Variants in TRERF1 observed in about 807,000 individuals in gnomAD.
The protein encoded by TRERF1 is transcriptional-regulating factor 1.
A neutral mutation model predicts 122.9 loss-of-function variants in TRERF1; 27 were observed. The ratio of observed to expected loss-of-function variants is 0.22; its 90% CI spans 0.16 to 0.30. The LOEUF (loss-of-function observed/expected upper bound fraction) is 0.30. Among genes scored for constraint, TRERF1 ranks in the 10% least tolerant of loss-of-function variants. TRERF1 has a pLI of 1.00. For synonymous variants in TRERF1, 636 were observed against 641.7 expected, an observed-to-expected ratio of 0.99 and a Z score of 0.13; for missense variants, 1,248 against 1,560.3, an observed-to-expected ratio of 0.80 and a Z score of 3.37.
chr6:42,392,931 TAC>T (rs58784390), intron 2 of TRERF1, among the ~76,000 whole-genome samples: 2,203 of 148,086 alleles, frequency 0.015, 40 homozygotes, highest in East Asian at 0.1. Flanking sequence ...TACACACACA[TAC>T]ACACACACAC....
At position 42,268,225 on chromosome 6, in the gene TRERF1, G is replaced by A; in HGVS notation, c.1366C>T (p.Pro456Ser). The A allele has an allele frequency of 6.7e-7, 1 of 1,492,558 alleles. No homozygotes were observed. Among genetic ancestry groups the A allele is most frequent in the South Asian group, 1.4e-5 (1 of 69,290 alleles). The allele number at this position is 1,492,558 out of a possible 1,614,324, so 92.5% of individuals were successfully genotyped here. A position where few individuals can be genotyped will look rare whatever the true frequency, so the allele number is the denominator to read the frequency against. The change falls in exon 5 of 18, where the codon CCC becomes TCC. Residue 456 changes from proline (P) to serine (S), a missense_variant. By Grantham distance (74) the Pro-to-Ser change is moderately conservative (BLOSUM62 -1). Coordinates refer to ENST00000372922, the Ensembl canonical transcript of TRERF1. This position sits in a 1 kb window ranked among gnomAD's most constrained non-coding sequence, Gnocchi z 4.4. Reference sequence around the variant, plus strand: ...ATGTTGTTGAGGTGGATCCCACTGGGGGATAGGAGGGGGCGATGGGGGAGG... The same window carrying A: ...ATGTTGTTGAGGTGGATCCCACTGGAGGATAGGAGGGGGCGATGGGGGAGG...
At chr6:42,306,825 A>T (rs1787347783) in intron 3 of TRERF1, among the ~76,000 whole-genome samples, 1 of 152,212 alleles carries the variant, frequency 6.6e-6, no homozygotes, top group Non-Finnish European at 1.5e-5. Context: ...TATGTGATTA[A>T]CGAGTTGGTC....
At chr6:42,331,781 C>T (rs561843296) in intron 3 of TRERF1, among the ~76,000 whole-genome samples, 1 of 152,302 alleles carries the variant, frequency 6.6e-6, no homozygotes, top group South Asian at 2.1e-4. Flanking sequence ...GCTGGCCTAG[C>T]AGCGCTGCCA....
rs1195584213 is a variant in TRERF1, at chr6:42,268,279, T to C, written c.1312A>G (p.Ser438Gly). 6.6e-7 allele frequency: 1 copy of C among 1,510,224 alleles called. No homozygotes were observed. The highest frequency in any genetic ancestry group is 2.3e-5 in the Admixed American group (1 of 43,262). 93.6% of individuals were successfully genotyped at this position (1,510,224 alleles called of 1,614,324 possible). The change falls in exon 5 of 18, where the codon AGC (serine) becomes GGC (glycine). Residue 438 changes from serine to glycine, a missense_variant. By Grantham distance (56) the Ser-to-Gly change is moderately conservative (BLOSUM62 0). Coordinates refer to ENST00000372922, the Ensembl canonical transcript of TRERF1. The surrounding 1 kb of genome is among the most constrained non-coding windows in gnomAD (Gnocchi z 4.4). ...CTGCTGACCCGGGTCAGATCTGAGC[T>C]CGCTGGGTCTCCCATTCCTGTGTCA...
At chr6:42,227,031 G>C (rs1346203862) in exon 18 of TRERF1, 1 of 152,250 alleles carries the variant, frequency 6.6e-6, no homozygotes, top group East Asian at 1.9e-4. Flanking sequence ...GGGCTAAATG[G>C]CATTTTTGAA....
chr6:42,384,996 A>G (rs149460323), intron 2 of TRERF1, among the ~76,000 whole-genome samples: 1 of 152,058 alleles, frequency 6.6e-6, no homozygotes, highest in East Asian at 1.9e-4. Context: ...GGTAAAGATG[A>G]GGTTTCACCA....
rs745366508 is a variant in TRERF1, at chr6:42,276,591, G to C, written c.-258-6743C>G. Among the ~76,000 whole-genome samples the C allele has an allele frequency of 6.6e-6, 1 of 152,192 alleles. No homozygotes were observed. Among genetic ancestry groups the C allele is most frequent in the Non-Finnish European group, 1.5e-5 (1 of 68,030 alleles). On this transcript the variant is annotated intron_variant, in intron 4 of 17. Coordinates refer to ENST00000372922, the Ensembl canonical transcript of TRERF1. The surrounding 1 kb of genome is among the most constrained non-coding windows in gnomAD (Gnocchi z 4.3). ...GCCGCAGTTCGCCGTCTTCTTTTTA[G>C]CACCGTTGTTGTTCTAAATGCTTTC...
chr6:42,375,773 G>A (rs1774729272), intron 2 of TRERF1, among the ~76,000 whole-genome samples: 1 of 152,090 alleles, frequency 6.6e-6, no homozygotes, highest in Non-Finnish European at 1.5e-5. Flanking sequence ...CTATGGGGAA[G>A]GAGAGGGAAG....
chr6:42,403,540 C>A (rs1779724833), intron 2 of TRERF1, among the ~76,000 whole-genome samples: 1 of 152,152 alleles, frequency 6.6e-6, no homozygotes, highest in African/African-American at 2.4e-5. Flanking sequence ...TCCCTCAGAA[C>A]CCCTGGACGG....
chr6:42,241,417 AG>A (rs539893296), intron 15 of TRERF1, among the ~76,000 whole-genome samples: 193 of 152,274 alleles, frequency 1.3e-3, no homozygotes, highest in Non-Finnish European at 2.4e-3. Flanking sequence ...TTTCATAGCT[AG>A]GATCAATTAT....
chr6:42,404,426 T>A (rs1779881447), intron 2 of TRERF1, among the ~76,000 whole-genome samples: 1 of 152,148 alleles, frequency 6.6e-6, no homozygotes. Context: ...ATTTCCTCTC[T>A]GGATTCTTGC....
At chr6:42,242,344 T>C (rs371722382) in intron 15 of TRERF1, among the ~76,000 whole-genome samples, 3 of 151,662 alleles carry the variant, frequency 2.0e-5, no homozygotes, top group African/African-American at 7.3e-5. Context: ...ATAACACACA[T>C]ACATGTGCTA....
chr6:42,407,979 T>G (rs1780438591), intron 2 of TRERF1, among the ~76,000 whole-genome samples: 1 of 151,430 alleles, frequency 6.6e-6, no homozygotes, highest in Non-Finnish European at 1.5e-5. Context: ...TATTCCCTAA[T>G]TACCTGCATT....
In TRERF1 at chr6:42,268,496, A is replaced by T. The variant is rs200696480; in HGVS notation, c.1095T>A (p.Thr365=). The T allele has an allele frequency of 1.5e-4, 243 of 1,612,522 alleles. 1 individual carries two copies. In the East Asian group the frequency reaches 5.2e-3, roughly 35 times the overall value. Residue 365 remains threonine (T), a synonymous_variant, in exon 5 of 18, where the codon ACT becomes ACA. Transcript: ENST00000372922. This position sits in a 1 kb window ranked among gnomAD's most constrained non-coding sequence, Gnocchi z 4.4. Reference sequence around the variant, plus strand: ...TGGAGCCCAGGGGAATCAGCTGGACAGTGTGTGCCTGCTCTGGGGTATACT... The same window carrying T: ...TGGAGCCCAGGGGAATCAGCTGGACTGTGTGTGCCTGCTCTGGGGTATACT...
intron 15 of TRERF1, 66 bp downstream of exon 15, chr6:42,243,182 C>G (rs1774061336): frequency 7.3e-7 from 1 of 1,376,252 alleles, no homozygotes; most frequent in African/African-American, 1.5e-5. Context: ...ACACCAGCTA[C>G]TTACTAACCT....
chr6:42,403,857 C>T (rs1489694225), intron 2 of TRERF1, among the ~76,000 whole-genome samples: 2 of 152,162 alleles, frequency 1.3e-5, no homozygotes, highest in Admixed American at 1.3e-4. Flanking sequence ...CTTCATTGTC[C>T]ACTGTCCATG....
chr6:42,285,577 G>A lies in TRERF1; in HGVS notation c.-259+15061C>T, dbSNP rs1229716104. On this transcript the variant is annotated intron_variant, in intron 4 of 17. Coordinates refer to ENST00000372922, the Ensembl canonical transcript of TRERF1. Reference sequence around the variant, plus strand: ...TCTTGTGCCAGTTTTCAAAGGGAATGCTTCCAGTTTTTGCCCATTCAGTAT... The same window carrying A: ...TCTTGTGCCAGTTTTCAAAGGGAATACTTCCAGTTTTTGCCCATTCAGTAT... Among the ~76,000 whole-genome samples the A allele has an allele frequency of 6.8e-3, 778 of 113,590 alleles. 6 individuals carry two copies. The highest frequency in any genetic ancestry group is 0.025 in the African/African-American group (746 of 30,104). 74.5% of individuals were successfully genotyped at this position (113,590 alleles called of 152,430 possible). A position where few individuals can be genotyped will look rare whatever the true frequency, so the allele number is the denominator to read the frequency against.
At position 42,249,055 on chromosome 6, in the gene TRERF1, T is replaced by C. The variant is rs561240830; in HGVS notation, c.2657-2511A>G. On this transcript the variant is annotated intron_variant, in intron 13 of 17. Coordinates refer to ENST00000372922, the Ensembl canonical transcript of TRERF1. ...GTAAGAGGAGTCAGAAAGATAATGA[T>C]GGAAGGAAGACCACAATGGCGGTCT... 5.3e-5 allele frequency among the ~76,000 whole-genome samples: 8 copies of C among 152,224 alleles called. No homozygotes were observed. The East Asian group carries it at 1.5e-3, about 29-fold the overall frequency.
intron 2 of TRERF1, among the ~76,000 whole-genome samples, chr6:42,435,360 T>C (rs932930465): frequency 6.6e-6 from 1 of 152,058 alleles, no homozygotes; most frequent in African/African-American, 2.4e-5. Flanking sequence ...ATGGATGGCA[T>C]GTATACAGAG....
Sources: gnomAD v4.1 joint callset for allele counts (sites outside exome capture counted in the v4.1 genomes callset) on GRCh38, gnomAD v4.1.1 for gene constraint, Gnocchi (gnomAD v3.1) non-coding constraint, MANE v1.5 for transcripts, NCBI Gene and HGNC (gene_info 2026-07-23, HGNC 2026-07-21) for gene names.